The following FREM2 variants were observed in gnomAD, a reference collection of about 807,000 sequenced individuals.
FREM2 encodes FRAS1-related extracellular matrix protein 2.
FREM2 carries 119 observed loss-of-function variants against 219.9 expected under a neutral mutation model. The observed-to-expected ratio is 0.54, with a 90% CI of 0.47 to 0.63. FREM2 has a LOEUF of 0.63. Among genes scored for constraint, FREM2 ranks in the 30% least tolerant of loss-of-function variants. The pLI is 0.00. For missense variants in FREM2, 4,030 were observed against 3,993.6 expected, an observed-to-expected ratio of 1.01 and a Z score of -0.25; for synonymous variants, 1,562 against 1,522.8, an observed-to-expected ratio of 1.03 and a Z score of -0.60.
intron 16 of FREM2, among the ~76,000 whole-genome samples, chr13:38,868,540 G>T (rs941851457): frequency 6.6e-6 from 1 of 152,170 alleles, no homozygotes; most frequent in African/African-American, 2.4e-5. Context: ...AAATGGATAT[G>T]GTCATGGATG....
intron 2 of FREM2, among the ~76,000 whole-genome samples, chr13:38,762,502 C>T (rs1319033037): frequency 2.6e-5 from 4 of 151,764 alleles, no homozygotes; most frequent in East Asian, 1.9e-4. Context: ...TGCAATGGTG[C>T]GATCTTGGCT....
At chr13:38,838,356 T>G (rs1394677985) in intron 6 of FREM2, among the ~76,000 whole-genome samples, 1 of 152,194 alleles carries the variant, frequency 6.6e-6, no homozygotes, top group Non-Finnish European at 1.5e-5. Context: ...CTTCCCTTTG[T>G]GGGTAACCCA....
chr13:38,856,328 T>G (rs1877559942), intron 12 of FREM2, 72 bp downstream of exon 12: 1 of 1,381,200 alleles, frequency 7.2e-7, no homozygotes, highest in Non-Finnish European at 1.0e-6. Flanking sequence ...AGCAATCACA[T>G]AGTGTACAAC....
Position 38,689,961 on chromosome 13 carries a change from A to C in FREM2, c.2617A>C (p.Lys873Gln), listed in dbSNP as rs1869740499. 1 of 1,614,008 alleles carries C rather than the reference A, an allele frequency of 6.2e-7. No homozygotes were observed. The highest frequency in any genetic ancestry group is 8.5e-7 in the Non-Finnish European group (1 of 1,180,018). The change falls in exon 1 of 24, where the codon AAA becomes CAA. Residue 873 changes from lysine (K) to glutamine (Q), a missense_variant. By Grantham distance (53) the Lys-to-Gln change is moderately conservative. Around this residue, in one of 2 missense-constraint regions of FREM2, gnomAD observed 3,102 missense variants for 2,950.7 expected, o/e 1.05. Coordinates refer to ENST00000280481, the MANE Select transcript of FREM2 (RefSeq NM_207361.6). ...CTCTTTCACTCTCACTCAGGCACCC[A>C]AACATGGCCACATGAGAGTGTCTGG... ...HISFTLTQAP[K>Q]HGHMRVSGQI...
Position 38,880,931 on chromosome 13 carries a change from G to A in FREM2, c.*144G>A. On this transcript the variant is annotated 3_prime_UTR_variant, in exon 24 of 24. Transcript: ENST00000280481. ...GAATATGACTGTACTAATGGAGTTTGATTTGAATTCTCCATACTCTTTTTT... is the reference window on the plus strand; with the variant it reads ...GAATATGACTGTACTAATGGAGTTTAATTTGAATTCTCCATACTCTTTTTT... 1 of 994,270 alleles carries A rather than the reference G, an allele frequency of 1.0e-6. No individual in the cohort carries two copies. Among genetic ancestry groups the A allele is most frequent in the East Asian group, 2.6e-5 (1 of 38,382 alleles). 61.6% of individuals were successfully genotyped at this position (994,270 alleles called of 1,614,324 possible). A position where few individuals can be genotyped will look rare whatever the true frequency, so the allele number is the denominator to read the frequency against.
intron 6 of FREM2, among the ~76,000 whole-genome samples, chr13:38,840,658 A>G (rs1207784133): frequency 6.8e-6 from 1 of 148,030 alleles, no homozygotes; most frequent in African/African-American, 2.5e-5. Flanking sequence ...GTATGTATAT[A>G]TATACACACA....
intron 11 of FREM2, among the ~76,000 whole-genome samples, chr13:38,854,749 AG>A (rs1342990545): frequency 1.3e-5 from 2 of 152,202 alleles, no homozygotes; most frequent in African/African-American, 4.8e-5. Flanking sequence ...AATTTTAAAA[AG>A]AAAAAGAAAA....
chr13:38,705,577 C>CA (rs2138088187), intron 2 of FREM2, among the ~76,000 whole-genome samples: 1 of 152,238 alleles, frequency 6.6e-6, no homozygotes, highest in South Asian at 2.1e-4. Context: ...GACCCTGAGC[C>CA]AAGTGACCGA....
In FREM2 at chr13:38,848,583, T is replaced by C. The variant is rs750975228; in HGVS notation, c.6292T>C (p.Phe2098Leu). Residue 2098 changes from phenylalanine to leucine, a missense_variant, in exon 8 of 24, where the codon TTT becomes CTT. Phe to Leu is a conservative substitution (Grantham distance 22). This residue lies in a region of FREM2 where 3,102 missense variants were observed against 2,950.7 expected (regional missense o/e 1.05). Transcript: ENST00000280481. ...GQPALEGIEK[F>L]ELVLRMPMNA... Reference sequence around the variant, plus strand: ...ACCAGCGCTGGAGGGAATTGAGAAATTTGAACTGGTGCTTCGCATGCCTAT... The same window carrying C: ...ACCAGCGCTGGAGGGAATTGAGAAACTTGAACTGGTGCTTCGCATGCCTAT... 7 of 1,614,042 alleles carry C rather than the reference T, an allele frequency of 4.3e-6. No homozygotes were observed. The South Asian group carries it at 6.6e-5, about 15-fold the overall frequency.
At chr13:38,858,061 A>G in intron 13 of FREM2, 28 bp downstream of exon 13, 1 of 1,572,978 alleles carries the variant, frequency 6.4e-7, no homozygotes, top group African/African-American at 1.3e-5. Flanking sequence ...AAAATTGAGG[A>G]AAATTGTAAG....
At chr13:38,838,345 G>A (rs1876803498) in intron 6 of FREM2, among the ~76,000 whole-genome samples, 2 of 152,170 alleles carry the variant, frequency 1.3e-5, no homozygotes, top group South Asian at 2.1e-4. Flanking sequence ...AGTCTGATGG[G>A]CTTCCCTTTG....
In FREM2 at chr13:38,687,381, C is replaced by T; in HGVS notation, c.37C>T (p.Arg13Trp). The stretch of plus-strand genomic sequence containing the variant: ...CGGGACTCCCGGGTTATCCTCGCGC[C>T]GGACAGGCAACTCCACCAGCTTTCA... ...SAGTPGLSSR[R>W]TGNSTSFQPG... The change falls in exon 1 of 24, where the codon CGG becomes TGG. Residue 13 changes from arginine to tryptophan, a missense_variant. Arg to Trp is a moderately radical substitution (Grantham distance 101). Transcript: ENST00000280481. 3 of 1,608,878 alleles carry T rather than the reference C, an allele frequency of 1.9e-6. No homozygotes were observed. The highest frequency in any genetic ancestry group is 2.2e-5 in the East Asian group (1 of 44,630).
At chr13:38,857,754 T>G in intron 12 of FREM2, 121 bp from the exon 13 acceptor site, 3 of 839,612 alleles carry the variant, frequency 3.6e-6, no homozygotes, top group Non-Finnish European at 6.0e-6. Flanking sequence ...GCTCTGAGTA[T>G]GACAATTTGC....
intron 3 of FREM2, among the ~76,000 whole-genome samples, chr13:38,765,782 C>G (rs1281300261): frequency 6.6e-6 from 1 of 152,122 alleles, no homozygotes; most frequent in Non-Finnish European, 1.5e-5. Flanking sequence ...TGAGGTTGCT[C>G]TGGTTGCAGG....
In FREM2 at chr13:38,687,447, C is replaced by G; in HGVS notation, c.103C>G (p.Leu35Val). Residue 35 changes from leucine to valine, a missense_variant, in exon 1 of 24, where the codon CTG becomes GTG. This residue lies in a region of FREM2 where 3,102 missense variants were observed against 2,950.7 expected (regional missense o/e 1.05). Transcript: ENST00000280481. ...GCCGCCCCGGCTGCTGCTGCTGCTG[C>G]TGCTTCTCCTGTCACTGGTAAGCCG... ...PPPPRLLLLL[L>V]LLLSLVSRVP... The G allele has an allele frequency of 1.3e-6, 2 of 1,594,852 alleles. No homozygotes were observed. Among genetic ancestry groups the G allele is most frequent in the Non-Finnish European group, 1.7e-6 (2 of 1,171,316 alleles).
At chr13:38,783,286 G>A in intron 5 of FREM2, 91 bp downstream of exon 5, 2 of 1,319,176 alleles carry the variant, frequency 1.5e-6, no homozygotes, top group Middle Eastern at 2.0e-4. Context: ...TTACCATGAG[G>A]GGTATACTTT....
chr13:38,791,208 A>G (rs1280166402), intron 6 of FREM2, among the ~76,000 whole-genome samples: 2 of 152,228 alleles, frequency 1.3e-5, no homozygotes, highest in South Asian at 4.1e-4. Flanking sequence ...GTTTTAATAT[A>G]AAGCATCTGA....
At chr13:38,834,154 G>T (rs1248989983) in intron 6 of FREM2, among the ~76,000 whole-genome samples, 2 of 152,004 alleles carry the variant, frequency 1.3e-5, no homozygotes, top group African/African-American at 4.8e-5. Flanking sequence ...TTCTCCTAAT[G>T]CTATCCCTCC....
intron 2 of FREM2, among the ~76,000 whole-genome samples, chr13:38,756,921 T>A (rs773340714): frequency 6.6e-6 from 1 of 152,072 alleles, no homozygotes; most frequent in Non-Finnish European, 1.5e-5. Context: ...AAAAAAACTG[T>A]GAATAGGATA....
Sources: gnomAD v4.1 joint callset for allele counts (sites outside exome capture counted in the v4.1 genomes callset) on GRCh38, gnomAD v4.1.1 for gene constraint, gnomAD v4.1.1 regional missense constraint, MANE v1.5 for transcripts, NCBI Gene and HGNC (gene_info 2026-07-23, HGNC 2026-07-21) for gene names.